The following SDK1 variants were observed in gnomAD, a reference collection of about 807,000 sequenced individuals.
SDK1 encodes sidekick cell adhesion molecule 1.
In SDK1, 157 loss-of-function variants were observed where a neutral mutation model predicts 245.5. The observed-to-expected ratio is 0.64, with a 90% confidence interval of 0.56 to 0.73. The LOEUF (loss-of-function observed/expected upper bound fraction) is 0.73. Among genes scored for constraint, SDK1 ranks in the 30% least tolerant of loss-of-function variants. The probability of loss-of-function intolerance (pLI) is 0.00; values close to 1 mark genes in which losing one functional copy is unlikely to be tolerated. For missense variants in SDK1, 3,583 were observed against 3,002.3 expected, an observed-to-expected ratio of 1.19 and a Z score of -4.52; for synonymous variants, 1,647 against 1,278.5, an observed-to-expected ratio of 1.29 and a Z score of -6.15.
intron 4 of SDK1, among the ~76,000 whole-genome samples, chr7:3,750,360 G>T (rs10233941): frequency 0.071 from 10,752 of 152,214 alleles, 1,187 homozygotes; most frequent in African/African-American, 0.24. Flanking sequence ...TCCACAAGCA[G>T]GTAAAGAATG....
At chr7:3,861,907 C>T (rs1472959611) in intron 5 of SDK1, among the ~76,000 whole-genome samples, 2 of 152,176 alleles carry the variant, frequency 1.3e-5, no homozygotes, top group African/African-American at 4.8e-5. Flanking sequence ...GTAAACAATG[C>T]CAGGAGCTGT....
intron 5 of SDK1, among the ~76,000 whole-genome samples, chr7:3,864,515 G>A (rs558424252): frequency 2.6e-5 from 4 of 152,244 alleles, no homozygotes; most frequent in East Asian, 1.9e-4. Context: ...ACTAATACAC[G>A]GATATTAGAG....
chr7:3,888,390 G>T (rs1448471399), intron 5 of SDK1, among the ~76,000 whole-genome samples: 1 of 152,196 alleles, frequency 6.6e-6, no homozygotes. Context: ...AGCAAAGCAG[G>T]ACATGAACCG....
At chr7:3,965,671 G>A (rs769726094) in intron 9 of SDK1, among the ~76,000 whole-genome samples, 1 of 152,140 alleles carries the variant, frequency 6.6e-6, no homozygotes, top group Non-Finnish European at 1.5e-5. Context: ...CCAGGACAGA[G>A]GGTCTGCAGG....
intron 35 of SDK1, among the ~76,000 whole-genome samples, chr7:4,189,014 C>A (rs1183781826): frequency 6.6e-6 from 1 of 151,888 alleles, no homozygotes; most frequent in African/African-American, 2.4e-5. Context: ...TCTAAAATTT[C>A]TCAGCCATTC....
At chr7:3,485,657 T>A (rs945449845) in intron 1 of SDK1, among the ~76,000 whole-genome samples, 1 of 139,780 alleles carries the variant, frequency 7.2e-6, no homozygotes, top group South Asian at 2.6e-4. Flanking sequence ...TTTTGATGTT[T>A]GTGCTGAGGG....
At chr7:3,430,503 T>G (rs1779810811) in intron 1 of SDK1, among the ~76,000 whole-genome samples, 1 of 152,166 alleles carries the variant, frequency 6.6e-6, no homozygotes, top group South Asian at 2.1e-4. Context: ...AGAGGTCACT[T>G]GAAACAAGCT....
chr7:3,558,936 C>T (rs1779668762), intron 1 of SDK1, among the ~76,000 whole-genome samples: 1 of 152,120 alleles, frequency 6.6e-6, no homozygotes, highest in Non-Finnish European at 1.5e-5. Context: ...TCATTTTTCC[C>T]TCACTCTACT....
At chr7:3,366,507 AT>A (rs1351002313) in intron 1 of SDK1, among the ~76,000 whole-genome samples, 2 of 152,002 alleles carry the variant, frequency 1.3e-5, no homozygotes, top group East Asian at 3.9e-4. Context: ...TGGGGATTTT[AT>A]TTTGTACTTT....
At chr7:3,846,679 C>T (rs1463260657) in intron 5 of SDK1, among the ~76,000 whole-genome samples, 3 of 152,206 alleles carry the variant, frequency 2.0e-5, no homozygotes, top group African/African-American at 7.2e-5. Context: ...TCCCCCACTT[C>T]TCTGAACTCA....
chr7:4,175,882 G>A, intron 34 of SDK1, 48 bp downstream of exon 34: 1 of 1,540,016 alleles, frequency 6.5e-7, no homozygotes, highest in Non-Finnish European at 8.9e-7. Context: ...CGCACACACT[G>A]TGCCCAGAGC....
At chr7:3,424,934 C>G (rs1033304813) in intron 1 of SDK1, among the ~76,000 whole-genome samples, 1 of 152,092 alleles carries the variant, frequency 6.6e-6, no homozygotes, top group Non-Finnish European at 1.5e-5. Context: ...AAAATAAAAC[C>G]TAAAATAAGA....
chr7:3,311,377 A>G (rs903737513), intron 1 of SDK1, among the ~76,000 whole-genome samples: 5 of 152,154 alleles, frequency 3.3e-5, no homozygotes, highest in African/African-American at 1.2e-4. Flanking sequence ...TTTGAGCTCA[A>G]TCTCACTGGA....
chr7:3,858,587 G>A (rs1351929403), intron 5 of SDK1, among the ~76,000 whole-genome samples: 2 of 151,924 alleles, frequency 1.3e-5, no homozygotes, highest in Non-Finnish European at 2.9e-5. Flanking sequence ...TGTCTGCTTT[G>A]TGTATAAGAC....
At chr7:3,698,945 C>G (rs973194751) in intron 4 of SDK1, among the ~76,000 whole-genome samples, 2 of 152,156 alleles carry the variant, frequency 1.3e-5, no homozygotes, top group Non-Finnish European at 2.9e-5. Context: ...ATAATAACCT[C>G]CTACCCAGGA....
At chr7:4,194,214 A>G (rs551216787) in intron 35 of SDK1, among the ~76,000 whole-genome samples, 3 of 152,014 alleles carry the variant, frequency 2.0e-5, no homozygotes, top group Non-Finnish European at 2.9e-5. Flanking sequence ...AGAGATATAT[A>G]TATGTATACA....
chr7:4,196,829 A>G (rs1783608202), intron 35 of SDK1, among the ~76,000 whole-genome samples: 1 of 152,228 alleles, frequency 6.6e-6, no homozygotes, highest in Non-Finnish European at 1.5e-5. Flanking sequence ...GTGGAGAAGC[A>G]TTCGGAGAGG....
intron 1 of SDK1, among the ~76,000 whole-genome samples, chr7:3,606,227 T>C (rs1781420899): frequency 6.6e-6 from 1 of 152,160 alleles, no homozygotes; most frequent in Non-Finnish European, 1.5e-5. Flanking sequence ...TTGATTCTTC[T>C]TTTTCTCTTA....
intron 14 of SDK1, among the ~76,000 whole-genome samples, chr7:4,009,551 C>G (rs1303411432): frequency 6.6e-6 from 1 of 152,244 alleles, no homozygotes; most frequent in African/African-American, 2.4e-5. Flanking sequence ...GGATCCTCAT[C>G]AGCTGCCCAT....
Sources: gnomAD v4.1 joint callset for allele counts (sites outside exome capture counted in the v4.1 genomes callset) on GRCh38, gnomAD v4.1.1 for gene constraint, MANE v1.5 for transcripts, NCBI Gene and HGNC (gene_info 2026-07-23, HGNC 2026-07-21) for gene names.